The following CTNNBL1 variants were observed in gnomAD, a reference collection of about 807,000 sequenced individuals.
The protein encoded by CTNNBL1 is catenin beta like 1.
CTNNBL1 carries 31 observed loss-of-function variants against 72.7 expected under a neutral mutation model. The observed-to-expected ratio is 0.43, with a 90% confidence interval of 0.32 to 0.58. The LOEUF is 0.58. CTNNBL1 is among the 20% of genes least tolerant of loss of function. The pLI is 0.08. For missense variants in CTNNBL1, 534 were observed against 725.1 expected (o/e 0.74, Z 3.03); for synonymous variants, 240 against 267.3 (o/e 0.90, Z 1.00).
At chr20:37,785,693 T>C (rs1283207037) in intron 10 of CTNNBL1, among the ~76,000 whole-genome samples, 1 of 152,234 alleles carries the variant, frequency 6.6e-6, no homozygotes, top group African/African-American at 2.4e-5. Flanking sequence ...TATTTTGAAT[T>C]TTTTATCTGA....
chr20:37,699,552 T>C (rs987050124), intron 1 of CTNNBL1, among the ~76,000 whole-genome samples: 1 of 152,242 alleles, frequency 6.6e-6, no homozygotes, highest in African/African-American at 2.4e-5. Flanking sequence ...TTGAAAACTT[T>C]TTAAAGTTGA....
At chr20:37,715,902 C>T (rs1048771773) in intron 1 of CTNNBL1, among the ~76,000 whole-genome samples, 9 of 152,156 alleles carry the variant, frequency 5.9e-5, no homozygotes, top group Non-Finnish European at 1.0e-4. Flanking sequence ...GATTCACCCA[C>T]AGAGGAAACT....
At chr20:37,726,048 G>A (rs1433977821) in intron 1 of CTNNBL1, among the ~76,000 whole-genome samples, 1 of 152,218 alleles carries the variant, frequency 6.6e-6, no homozygotes, top group Admixed American at 6.5e-5. Flanking sequence ...ATAAATGTCT[G>A]TGTGAAAGAG....
At chr20:37,805,176 G>C (rs893665527) in intron 11 of CTNNBL1, among the ~76,000 whole-genome samples, 14 of 152,238 alleles carry the variant, frequency 9.2e-5, no homozygotes, top group Non-Finnish European at 1.6e-4. Flanking sequence ...TGTGCTCTTT[G>C]TTGGCCTCCG....
intron 1 of CTNNBL1, among the ~76,000 whole-genome samples, chr20:37,699,124 A>G (rs1398848010): frequency 1.3e-5 from 2 of 152,230 alleles, no homozygotes; most frequent in East Asian, 3.8e-4. Context: ...TTTACTAACC[A>G]GCATGATCTA....
At chr20:37,828,421 T>G (rs551515752) in intron 11 of CTNNBL1, among the ~76,000 whole-genome samples, 2 of 152,198 alleles carry the variant, frequency 1.3e-5, no homozygotes, top group Non-Finnish European at 2.9e-5. Flanking sequence ...TTGGGTATAT[T>G]TTAACTCTTG....
intron 11 of CTNNBL1, among the ~76,000 whole-genome samples, chr20:37,813,061 C>G (rs1172314735): frequency 2.0e-5 from 3 of 152,084 alleles, no homozygotes; most frequent in African/African-American, 7.2e-5. Flanking sequence ...AGCCTTAAAC[C>G]TAGCTGACCA....
chr20:37,765,751 G>A (rs920370042), intron 6 of CTNNBL1, among the ~76,000 whole-genome samples: 1 of 152,060 alleles, frequency 6.6e-6, no homozygotes, highest in African/African-American at 2.4e-5. Context: ...CTCTTCTTAG[G>A]TGTAGACTAC....
chr20:37,792,309 CCT>C (rs1163236859), intron 10 of CTNNBL1, among the ~76,000 whole-genome samples: 1 of 150,272 alleles, frequency 6.7e-6, no homozygotes, highest in Non-Finnish European at 1.5e-5. Context: ...ATTTTTTTTC[CCT>C]CTCTTTCTCT....
At chr20:37,794,872 T>C (rs1288378225) in intron 10 of CTNNBL1, among the ~76,000 whole-genome samples, 2 of 152,128 alleles carry the variant, frequency 1.3e-5, no homozygotes, top group African/African-American at 4.8e-5. Flanking sequence ...TGGGAGTTTT[T>C]TTGTTTTTTT....
chr20:37,741,540 G>A (rs2073215887), intron 3 of CTNNBL1, among the ~76,000 whole-genome samples: 1 of 152,144 alleles, frequency 6.6e-6, no homozygotes, highest in African/African-American at 2.4e-5. Context: ...CACTTCTCTT[G>A]GTAGTACCAG....
intron 1 of CTNNBL1, among the ~76,000 whole-genome samples, chr20:37,709,005 C>T (rs535453766): frequency 6.6e-6 from 1 of 152,222 alleles, no homozygotes; most frequent in African/African-American, 2.4e-5. Context: ...GGCATGGTAG[C>T]ATGCACCTGT....
chr20:37,802,796 T>TA, intron 10 of CTNNBL1, 71 bp from the exon 11 acceptor site: 1 of 1,308,968 alleles, frequency 7.6e-7, no homozygotes, highest in South Asian at 1.3e-5. Context: ...CGGCAGCAAA[T>TA]ACCCTTTTTT....
chr20:37,736,622 C>G (rs917161572), intron 2 of CTNNBL1, among the ~76,000 whole-genome samples: 1 of 152,010 alleles, frequency 6.6e-6, no homozygotes, highest in African/African-American at 2.4e-5. Context: ...CTCACTGCAA[C>G]CTCTGCTTCC....
intron 1 of CTNNBL1, among the ~76,000 whole-genome samples, chr20:37,719,762 A>G (rs1471439322): frequency 1.3e-5 from 2 of 152,022 alleles, no homozygotes; most frequent in African/African-American, 4.8e-5. Flanking sequence ...AGGCAGAAAG[A>G]TTTTGTTTTG....
chr20:37,767,883 TG>T, intron 6 of CTNNBL1, 69 bp from the exon 7 acceptor site: 1 of 1,262,766 alleles, frequency 7.9e-7, no homozygotes, highest in Non-Finnish European at 1.2e-6. Context: ...ATGCCTGTCA[TG>T]GGAAGCAAGC....
chr20:37,826,779 G>T (rs2072163658), intron 11 of CTNNBL1, among the ~76,000 whole-genome samples: 1 of 152,068 alleles, frequency 6.6e-6, no homozygotes. Context: ...TGTTATTTTT[G>T]ATGCAGAAAG....
At chr20:37,751,776 G>A (rs1288123947) in intron 4 of CTNNBL1, 1 of 152,220 alleles carries the variant, frequency 6.6e-6, no homozygotes, top group African/African-American at 2.4e-5. Context: ...AATTGGACTG[G>A]GAGGGAGTTG....
Position 37,830,946 on chromosome 20 carries a change from G to A in CTNNBL1, c.1214-9156G>A, listed in dbSNP as rs144596186. On this transcript the variant is annotated intron_variant, in intron 11 of 15. Transcript: ENST00000361383. ...CATATTGCATTTGCACCATCGTAAA[G>A]ACAAAAAATAAGTCAAGCCATCATA... Among the ~76,000 whole-genome samples the A allele has an allele frequency of 3.2e-3, 487 of 152,248 alleles. 3 individuals are homozygous for A. Among genetic ancestry groups the A allele is most frequent in the Non-Finnish European group, 4.9e-3 (333 of 68,004 alleles).
Sources: gnomAD v4.1 joint callset for allele counts (sites outside exome capture counted in the v4.1 genomes callset) on GRCh38, gnomAD v4.1.1 for gene constraint, MANE v1.5 for transcripts, NCBI Gene and HGNC (gene_info 2026-07-23, HGNC 2026-07-21) for gene names.